The following BMPR1B variants were observed in gnomAD, a reference collection of about 807,000 sequenced individuals.
The protein encoded by BMPR1B is bone morphogenetic protein receptor type-1B.
BMPR1B carries 12 observed loss-of-function variants against 59.1 expected under a neutral mutation model. The observed-to-expected ratio is 0.20, with a 90% CI of 0.13 to 0.33. The LOEUF (loss-of-function observed/expected upper bound fraction) is 0.33. Among genes scored for constraint, BMPR1B ranks in the 10% least tolerant of loss-of-function variants. The probability of loss-of-function intolerance (pLI) is 1.00; values close to 1 mark genes in which losing one functional copy is unlikely to be tolerated. For synonymous variants in BMPR1B, 237 were observed against 207.3 expected (o/e 1.14, Z -1.23); for missense variants, 550 against 610.9 (o/e 0.90, Z 1.05).
At chr4:94,951,935 A>C (rs554441283) in intron 2 of BMPR1B, among the ~76,000 whole-genome samples, 1 of 151,874 alleles carries the variant, frequency 6.6e-6, no homozygotes, top group African/African-American at 2.4e-5. Context: ...CAATTTCAGA[A>C]CTTGTTATTG....
intron 5 of BMPR1B, 92 bp downstream of exon 5, chr4:95,114,914 C>T: frequency 1.6e-6 from 2 of 1,244,398 alleles, no homozygotes; most frequent in Non-Finnish European, 2.4e-6. Flanking sequence ...CTTGGCCAGC[C>T]CATTTTTAGT....
intron 2 of BMPR1B, among the ~76,000 whole-genome samples, chr4:94,985,601 C>T (rs1363313371): frequency 6.7e-6 from 1 of 150,338 alleles, no homozygotes; most frequent in Non-Finnish European, 1.5e-5. Flanking sequence ...AATTGGAAGA[C>T]TTCGTTCTGT....
At chr4:95,044,889 G>T (rs2149178061) in intron 3 of BMPR1B, among the ~76,000 whole-genome samples, 2 of 152,212 alleles carry the variant, frequency 1.3e-5, no homozygotes, top group South Asian at 4.1e-4. Flanking sequence ...TTTTCTCATA[G>T]TGGAGTAGTT....
chr4:95,086,454 A>G (rs569282781), intron 3 of BMPR1B, among the ~76,000 whole-genome samples: 63 of 152,328 alleles, frequency 4.1e-4, no homozygotes, highest in African/African-American at 1.5e-3. Context: ...ATAACCTAAC[A>G]TTTAATTGTT....
intron 3 of BMPR1B, among the ~76,000 whole-genome samples, chr4:95,064,542 G>A (rs570659839): frequency 2.0e-4 from 30 of 152,074 alleles, no homozygotes; most frequent in African/African-American, 6.5e-4. Context: ...CTTTGGTGCC[G>A]CAAAGACTGA....
At chr4:94,794,056 C>T (rs1214201025) in intron 1 of BMPR1B, among the ~76,000 whole-genome samples, 90 of 150,970 alleles carry the variant, frequency 6.0e-4, no homozygotes, top group Non-Finnish European at 1.1e-3. Flanking sequence ...GCTTTTGTTG[C>T]CATTGCTTTT....
intron 1 of BMPR1B, among the ~76,000 whole-genome samples, chr4:94,857,899 T>C (rs1725824283): frequency 1.3e-5 from 2 of 152,228 alleles, no homozygotes; most frequent in South Asian, 4.1e-4. Context: ...AAAACATATG[T>C]TTATGTAAAA....
At chr4:94,977,782 A>G (rs1731086772) in intron 2 of BMPR1B, among the ~76,000 whole-genome samples, 1 of 152,156 alleles carries the variant, frequency 6.6e-6, no homozygotes, top group Non-Finnish European at 1.5e-5. Flanking sequence ...GCCTGAACCC[A>G]GGTGGCGGAG....
At position 94,813,020 on chromosome 4, in the gene BMPR1B, T is replaced by C. The variant is rs535576514; in HGVS notation, c.-183+54952T>C. Among the ~76,000 whole-genome samples, 24 of 151,956 alleles carry C rather than the reference T, an allele frequency of 1.6e-4. No individual in the cohort carries two copies. In the South Asian group the frequency reaches 3.3e-3, roughly 21 times the overall value. ...CTTTTTTTTTTTTTCTGGCTTCATC[T>C]TCCATAGGGTTTTTAACCATTGTTC... On this transcript the variant is annotated intron_variant, in intron 1 of 12. Transcript: ENST00000515059.
rs114312084 is a variant in BMPR1B, at chr4:95,146,136, T to A, written c.1077-2612T>A. 3.3e-5 allele frequency among the ~76,000 whole-genome samples: 5 copies of A among 152,282 alleles called. 1 individual carries two copies. Among genetic ancestry groups the A allele is most frequent in the South Asian group, 4.2e-4 (2 of 4,814 alleles). On this transcript the variant is annotated intron_variant, in intron 10 of 12. Coordinates refer to ENST00000515059, the MANE Select transcript of BMPR1B (RefSeq NM_001203.3). ...GATAGTCTTCAGTTGGAAAACAGAT[T>A]ACTTACTCAAATGTTACTAGGGAGA...
At chr4:94,862,215 G>T (rs113156173) in intron 1 of BMPR1B, among the ~76,000 whole-genome samples, 5,064 of 151,746 alleles carry the variant, frequency 0.033, 128 homozygotes, top group South Asian at 0.07. Flanking sequence ...CAGTGGCACG[G>T]TCTTGGCTCA....
chr4:94,830,313 C>T (rs956126742), intron 1 of BMPR1B, among the ~76,000 whole-genome samples: 2 of 152,044 alleles, frequency 1.3e-5, no homozygotes, highest in East Asian at 1.9e-4. Context: ...TTATAGAATT[C>T]TATTCATATA....
At chr4:94,876,119 A>G (rs1726722025) in intron 2 of BMPR1B, among the ~76,000 whole-genome samples, 1 of 152,246 alleles carries the variant, frequency 6.6e-6, no homozygotes, top group African/African-American at 2.4e-5. Context: ...GATTTGTTCT[A>G]TAATGAGAAA....
intron 2 of BMPR1B, among the ~76,000 whole-genome samples, chr4:94,993,564 A>T (rs1022074714): frequency 1.3e-5 from 2 of 152,048 alleles, no homozygotes; most frequent in African/African-American, 4.8e-5. Flanking sequence ...GTTTGAGACC[A>T]GCCTGGCCAA....
intron 1 of BMPR1B, among the ~76,000 whole-genome samples, chr4:94,856,601 A>C (rs991688649): frequency 2.0e-5 from 3 of 152,226 alleles, no homozygotes; most frequent in African/African-American, 7.2e-5. Context: ...TGAATGTATC[A>C]CAGTCACTGA....
chr4:94,859,699 C>T (rs1313037342), intron 1 of BMPR1B, among the ~76,000 whole-genome samples: 1 of 151,500 alleles, frequency 6.6e-6, no homozygotes, highest in Non-Finnish European at 1.5e-5. Context: ...TCTTAAAATA[C>T]TCTGTGACAA....
intron 1 of BMPR1B, among the ~76,000 whole-genome samples, chr4:94,841,803 G>T (rs1250385128): frequency 6.6e-6 from 1 of 152,144 alleles, no homozygotes; most frequent in African/African-American, 2.4e-5. Flanking sequence ...TTTTTCTATT[G>T]ATGATAGTTA....
intron 3 of BMPR1B, among the ~76,000 whole-genome samples, chr4:95,092,856 G>C (rs1044805603): frequency 6.6e-6 from 1 of 152,094 alleles, no homozygotes; most frequent in African/African-American, 2.4e-5. Flanking sequence ...GCTTTGCAAA[G>C]CTGCAGAGTA....
intron 3 of BMPR1B, among the ~76,000 whole-genome samples, chr4:95,100,177 C>T (rs1185669419): frequency 6.6e-6 from 1 of 152,010 alleles, no homozygotes; most frequent in Non-Finnish European, 1.5e-5. Context: ...TTAGCAGGTA[C>T]CTATTCCATC....
Sources: gnomAD v4.1 joint callset for allele counts (sites outside exome capture counted in the v4.1 genomes callset) on GRCh38, gnomAD v4.1.1 for gene constraint, MANE v1.5 for transcripts, NCBI Gene and HGNC (gene_info 2026-07-23, HGNC 2026-07-21) for gene names.